The following EYS variants were observed in gnomAD, a reference collection of about 807,000 sequenced individuals.
EYS encodes the protein protein eyes shut homolog.
In EYS, 250 loss-of-function variants were observed where a neutral mutation model predicts 282.1. The observed-to-expected ratio is 0.89, with a 90% CI of 0.80 to 0.98. The LOEUF is 0.98. EYS is among the 50% of genes least tolerant of loss of function. The pLI, the probability that EYS is intolerant of heterozygous loss-of-function variation, is 0.00. For missense variants in EYS, 4,016 were observed against 3,709.0 expected, an observed-to-expected ratio of 1.08 and a Z score of -2.15; for synonymous variants, 1,355 against 1,282.9, an observed-to-expected ratio of 1.06 and a Z score of -1.20.
chr6:64,684,590 A>AC (rs149937688), intron 22 of EYS, among the ~76,000 whole-genome samples: 16 of 78,618 alleles, frequency 2.0e-4, no homozygotes, highest in Non-Finnish European at 5.0e-4. Context: ...TATAGGAAAA[A>AC]AAATATATAG....
intron 31 of EYS, among the ~76,000 whole-genome samples, chr6:64,091,732 C>A (rs1229423376): frequency 6.6e-6 from 1 of 151,988 alleles, no homozygotes; most frequent in Non-Finnish European, 1.5e-5. Flanking sequence ...CACTTTAATA[C>A]AGCTTGGGAT....
chr6:64,773,306 T>C (rs1422569730), intron 22 of EYS, among the ~76,000 whole-genome samples: 11 of 151,938 alleles, frequency 7.2e-5, no homozygotes, highest in Non-Finnish European at 1.5e-4. Flanking sequence ...GCAAAGGGCA[T>C]GATCTCATTC....
At chr6:65,526,467 A>C (rs1463891234) in intron 2 of EYS, among the ~76,000 whole-genome samples, 2 of 152,148 alleles carry the variant, frequency 1.3e-5, no homozygotes, top group African/African-American at 4.8e-5. Flanking sequence ...GTCTCTTTAG[A>C]TTTGTAGCTA....
At chr6:64,742,199 G>C (rs902735764) in intron 22 of EYS, among the ~76,000 whole-genome samples, 1 of 138,390 alleles carries the variant, frequency 7.2e-6, no homozygotes, top group Non-Finnish European at 1.7e-5. Context: ...TCACCAAATA[G>C]AGAGATTTGA....
At chr6:63,888,194 G>T (rs776481453) in intron 35 of EYS, among the ~76,000 whole-genome samples, 3 of 152,206 alleles carry the variant, frequency 2.0e-5, no homozygotes, top group African/African-American at 4.8e-5. Context: ...TGGGGGAAGG[G>T]GCAGCTGTGG....
At chr6:63,912,393 A>T (rs547406482) in intron 35 of EYS, among the ~76,000 whole-genome samples, 3 of 152,284 alleles carry the variant, frequency 2.0e-5, no homozygotes, top group African/African-American at 4.8e-5. Context: ...GGTGAAATTA[A>T]TTTTAATAAT....
intron 34 of EYS, among the ~76,000 whole-genome samples, chr6:63,984,909 T>C (rs1248893901): frequency 6.6e-6 from 1 of 151,794 alleles, no homozygotes; most frequent in African/African-American, 2.4e-5. Context: ...TGTGTTTGCA[T>C]TTTAGTGTAA....
intron 37 of EYS, among the ~76,000 whole-genome samples, chr6:63,794,093 C>T (rs1770583008): frequency 1.3e-5 from 2 of 152,314 alleles, no homozygotes; most frequent in South Asian, 4.1e-4. Context: ...TCAGCACTCC[C>T]TTCCCAAATG....
At chr6:65,684,725 G>A (rs1224580153) in intron 1 of EYS, among the ~76,000 whole-genome samples, 1 of 151,972 alleles carries the variant, frequency 6.6e-6, no homozygotes, top group Non-Finnish European at 1.5e-5. Context: ...TAGGTTTAAG[G>A]GGTACATGGT....
Position 65,648,386 on chromosome 6 carries a change from T to G in EYS, c.-447-8494A>C, listed in dbSNP as rs917086936. ...AATACTACACAGCCATAAAAAGGAA[T>G]GAAATAATGGTATTTGCAGCAACCT... is the stretch of plus-strand genomic sequence containing the variant. On this transcript the variant is annotated intron_variant, in intron 1 of 42. Coordinates refer to ENST00000503581, the MANE Select transcript of EYS (RefSeq NM_001142800.2). Among the ~76,000 whole-genome samples the G allele has an allele frequency of 7.3e-5, 11 of 150,214 alleles. No homozygotes were observed. In the South Asian group the frequency reaches 1.5e-3, roughly 20 times the overall value.
At chr6:65,605,233 A>C (rs1765745571) in intron 2 of EYS, among the ~76,000 whole-genome samples, 1 of 151,998 alleles carries the variant, frequency 6.6e-6, no homozygotes, top group African/African-American at 2.4e-5. Flanking sequence ...ATTGAATACC[A>C]ATTAAAAATT....
chr6:63,823,690 C>A (rs1312025246), intron 36 of EYS, among the ~76,000 whole-genome samples: 1 of 151,978 alleles, frequency 6.6e-6, no homozygotes, highest in East Asian at 1.9e-4. Flanking sequence ...ATTTCACTTT[C>A]ATCAATAATT....
At chr6:63,953,196 C>T (rs1582022643) in intron 35 of EYS, among the ~76,000 whole-genome samples, 1 of 152,280 alleles carries the variant, frequency 6.6e-6, no homozygotes, top group East Asian at 1.9e-4. Flanking sequence ...CTGGACTGAC[C>T]CTGACACCCA....
chr6:64,832,115 C>T (rs1366768764), intron 19 of EYS, among the ~76,000 whole-genome samples: 1 of 151,748 alleles, frequency 6.6e-6, no homozygotes. Context: ...TACATAATTA[C>T]TTATTATTTG....
chr6:63,899,752 T>A (rs1322611716), intron 35 of EYS, among the ~76,000 whole-genome samples: 1 of 152,212 alleles, frequency 6.6e-6, no homozygotes, highest in Non-Finnish European at 1.5e-5. Context: ...TCTCCCTTGC[T>A]CAACTGTAAG....
At chr6:64,728,835 T>C (rs1771859227) in intron 22 of EYS, 1 of 152,168 alleles carries the variant, frequency 6.6e-6, no homozygotes, top group African/African-American at 2.4e-5. Context: ...TACTAACGAA[T>C]TGGAGGGTGG....
At chr6:65,294,812 A>G (rs1470962489) in intron 12 of EYS, among the ~76,000 whole-genome samples, 2 of 151,972 alleles carry the variant, frequency 1.3e-5, no homozygotes, top group Non-Finnish European at 2.9e-5. Flanking sequence ...ACAGACACCT[A>G]TATTTTAACA....
chr6:63,816,772 G>T (rs975481660), intron 36 of EYS, among the ~76,000 whole-genome samples: 1 of 152,210 alleles, frequency 6.6e-6, no homozygotes, highest in African/African-American at 2.4e-5. Flanking sequence ...CACGTGCTAC[G>T]TGGCCAAAAT....
At chr6:65,007,680 C>A (rs1771725425) in intron 13 of EYS, among the ~76,000 whole-genome samples, 1 of 152,212 alleles carries the variant, frequency 6.6e-6, no homozygotes, top group Non-Finnish European at 1.5e-5. Flanking sequence ...CCAAACGGTC[C>A]AAAAGGAGAT....
Sources: gnomAD v4.1 joint callset for allele counts (sites outside exome capture counted in the v4.1 genomes callset) on GRCh38, gnomAD v4.1.1 for gene constraint, MANE v1.5 for transcripts, NCBI Gene and HGNC (gene_info 2026-07-23, HGNC 2026-07-21) for gene names.